The following ZNF516 variants were observed in gnomAD, a reference collection of about 807,000 sequenced individuals.
ZNF516 encodes the protein zinc finger protein 516.
In ZNF516, 19 loss-of-function variants were observed where a neutral mutation model predicts 79.7. That is an observed-to-expected ratio of 0.24 (90% CI 0.17 to 0.35). The LOEUF (loss-of-function observed/expected upper bound fraction) is 0.35. Among genes scored for constraint, ZNF516 ranks in the 10% least tolerant of loss-of-function variants. The probability of loss-of-function intolerance (pLI) is 1.00; values close to 1 mark genes in which losing one functional copy is unlikely to be tolerated. For synonymous variants in ZNF516, 877 were observed against 739.5 expected, an observed-to-expected ratio of 1.19 and a Z score of -3.02; for missense variants, 1,678 against 1,679.5, an observed-to-expected ratio of 1.00 and a Z score of 0.02.
intron 1 of ZNF516, among the ~76,000 whole-genome samples, chr18:76,475,093 C>G (rs571841214): frequency 7.9e-5 from 12 of 152,254 alleles, no homozygotes; most frequent in African/African-American, 2.9e-4. Flanking sequence ...ATCTGGAAAA[C>G]ATATGTGACG....
chr18:76,422,998 T>C (rs540382442), intron 3 of ZNF516, among the ~76,000 whole-genome samples: 4 of 152,308 alleles, frequency 2.6e-5, no homozygotes, highest in African/African-American at 4.8e-5. Context: ...TAAATCTTAA[T>C]GCGTCTGGCC....
Position 76,379,003 on chromosome 18 carries a change from G to A in ZNF516, c.3111C>T (p.Pro1037=), listed in dbSNP as rs757186966. Residue 1037 remains proline, a synonymous_variant, in exon 4 of 7, where the codon CCC becomes CCT. Transcript: ENST00000443185. ...QAQPGVAGAP[P]VLHSIKQEPV... is the part of the protein sequence containing the mutation. ...GCTCCTGTTTGATGGAGTGTAGGAC[G>A]GGGGGCGCCCCAGCCACGCCGGGCT... 213 of 1,596,010 alleles carry A rather than the reference G, an allele frequency of 1.3e-4. No homozygotes were observed. In the East Asian group the frequency reaches 2.1e-3, roughly 16 times the overall value.
rs947941362 is a variant in ZNF516 at position 76,450,192 on chromosome 18, G to GA, written c.-157-6982_-157-6981insT. Among the ~76,000 whole-genome samples the GA allele has an allele frequency of 1.0e-4, 14 of 137,784 alleles. 1 individual carries two copies. Among genetic ancestry groups the GA allele is most frequent in the African/African-American group, 3.5e-4 (13 of 37,214 alleles). The allele number at this position is 137,784 out of a possible 152,430, so 90.4% of individuals were successfully genotyped here. A position where few individuals can be genotyped will look rare whatever the true frequency, so the allele number is the denominator to read the frequency against. On this transcript the variant is annotated intron_variant, in intron 2 of 6. Transcript: ENST00000443185. ...ACAACTCATGAAACTAAAGGGGGGG[G>GA]GGTGTTTATTTCTAACTCTTTCCAT...
chr18:76,478,037 G>A (rs965440730), intron 1 of ZNF516, among the ~76,000 whole-genome samples: 21 of 151,674 alleles, frequency 1.4e-4, no homozygotes, highest in Admixed American at 4.6e-4. Context: ...TCTTTCCCAC[G>A]AATGGATCTC....
At chr18:76,452,861 C>T (rs545104731) in intron 2 of ZNF516, among the ~76,000 whole-genome samples, 49 of 152,198 alleles carry the variant, frequency 3.2e-4, no homozygotes, top group Middle Eastern at 6.8e-3. Flanking sequence ...AGGAAGGATA[C>T]GGAAATTTTC....
chr18:76,406,613 C>T (rs1379596919), intron 3 of ZNF516, among the ~76,000 whole-genome samples: 1 of 152,160 alleles, frequency 6.6e-6, no homozygotes, highest in East Asian at 1.9e-4. Flanking sequence ...CCAGCGACAG[C>T]CGCGCTCCAC....
Position 76,357,927 on chromosome 18 carries a change from AG to A in ZNF516, c.*4570del, listed in dbSNP as rs1229372423. Among the ~76,000 whole-genome samples the A allele has an allele frequency of 2.0e-5, 3 of 152,176 alleles. No individual in the cohort carries two copies. The highest frequency in any genetic ancestry group is 1.3e-4 in the Admixed American group (2 of 15,286). On this transcript the variant is annotated 3_prime_UTR_variant, in exon 7 of 7. Transcript: ENST00000443185. ...GGGGAAATAACATGTGTGCTGTGAA[AG>A]AAAATGAGAAAAACACAGCGTCTCC...
intron 1 of ZNF516, chr18:76,492,165 G>C (rs1224165600): frequency 1.0e-6 from 1 of 985,292 alleles, no homozygotes; most frequent in Non-Finnish European, 1.2e-6. Context: ...TCCCCATCCC[G>C]GTGGGTACAG....
chr18:76,392,005 C>T (rs955285838), intron 3 of ZNF516, among the ~76,000 whole-genome samples: 2 of 152,212 alleles, frequency 1.3e-5, no homozygotes, highest in East Asian at 1.9e-4. Flanking sequence ...TCCTCTCTGC[C>T]GCGGCTCACA....
intron 3 of ZNF516, among the ~76,000 whole-genome samples, chr18:76,421,356 T>C (rs909446860): frequency 1.3e-5 from 2 of 151,986 alleles, no homozygotes; most frequent in Non-Finnish European, 2.9e-5. Flanking sequence ...AGGCCTTAGG[T>C]GATGGAGACG....
At chr18:76,404,534 G>C (rs1206004874) in intron 3 of ZNF516, among the ~76,000 whole-genome samples, 1 of 151,798 alleles carries the variant, frequency 6.6e-6, no homozygotes, top group Non-Finnish European at 1.5e-5. Context: ...TAATGTGTGT[G>C]AACATGTGTG....
chr18:76,396,078 G>A (rs865944435), intron 3 of ZNF516, among the ~76,000 whole-genome samples: 1 of 152,172 alleles, frequency 6.6e-6, no homozygotes. Context: ...TGAGGTGATG[G>A]CCTCGAATGG....
At chr18:76,402,188 A>G (rs2075239530) in intron 3 of ZNF516, among the ~76,000 whole-genome samples, 1 of 152,188 alleles carries the variant, frequency 6.6e-6, no homozygotes, top group Non-Finnish European at 1.5e-5. Flanking sequence ...TACTCTGTGA[A>G]TACAAATCCC....
intron 6 of ZNF516, among the ~76,000 whole-genome samples, chr18:76,368,317 A>G (rs2074649255): frequency 6.6e-6 from 1 of 152,148 alleles, no homozygotes; most frequent in East Asian, 1.9e-4. Flanking sequence ...GGAAAATGGA[A>G]TTTCCTTAGA....
intron 1 of ZNF516, among the ~76,000 whole-genome samples, chr18:76,472,033 C>T (rs184483143): frequency 1.4e-3 from 216 of 152,302 alleles, no homozygotes; most frequent in Middle Eastern, 3.4e-3. Flanking sequence ...GTCAGAATCA[C>T]GGCACTCTGC....
intron 6 of ZNF516, among the ~76,000 whole-genome samples, chr18:76,362,907 C>A (rs1265174315): frequency 6.6e-6 from 1 of 152,142 alleles, no homozygotes; most frequent in Non-Finnish European, 1.5e-5. Flanking sequence ...TACAAGTTGG[C>A]AAGATGAGGA....
intron 3 of ZNF516, among the ~76,000 whole-genome samples, chr18:76,432,983 A>C (rs10514217): frequency 0.016 from 2,462 of 152,118 alleles, 67 homozygotes; most frequent in African/African-American, 0.057. Flanking sequence ...CATTGAGTCC[A>C]ACAACACCAA....
At chr18:76,491,327 C>G (rs993408381) in intron 1 of ZNF516, among the ~76,000 whole-genome samples, 7 of 128,158 alleles carry the variant, frequency 5.5e-5, no homozygotes, top group Non-Finnish European at 1.2e-4. Context: ...CTCGCTCCCC[C>G]CAACCCCGCG....
At chr18:76,482,009 T>C (rs1476285533) in intron 1 of ZNF516, among the ~76,000 whole-genome samples, 2 of 152,208 alleles carry the variant, frequency 1.3e-5, no homozygotes, top group African/African-American at 4.8e-5. Context: ...CTTAAGAATG[T>C]TATTGAAGGC....
Sources: allele counts gnomAD v4.1 joint callset (sites outside exome capture counted in the v4.1 genomes callset), GRCh38; gene constraint gnomAD v4.1.1; transcripts MANE v1.5; gene names NCBI Gene and HGNC (gene_info 2026-07-23, HGNC 2026-07-21).